PSG8: variants seen among roughly 807,000 people sequenced by gnomAD.
The protein encoded by PSG8 is pregnancy-specific beta-1-glycoprotein 8.
A neutral mutation model predicts 42.5 loss-of-function variants in PSG8; 57 were observed. The observed-to-expected ratio is 1.34, with a 90% confidence interval of 1.08 to 1.67. The LOEUF is 1.67. PSG8 is among the 40% of genes most tolerant of loss of function. The pLI is 0.00. For missense variants in PSG8, 783 were observed against 518.6 expected (o/e 1.51, Z -4.95); for synonymous variants, 280 against 196.8 (o/e 1.42, Z -3.54).
intron 1 of PSG8, 66 bp downstream of exon 1, chr19:42,765,452 C>G (rs1286933687): frequency 1.4e-5 from 22 of 1,598,016 alleles, no homozygotes; most frequent in African/African-American, 4.1e-5. Context: ...CCCATACTCT[C>G]AAGGAGACCC....
rs781055967 is a variant in PSG8, at chr19:42,760,854, G to C, written c.431-2574C>G. On this transcript the variant is annotated intron_variant, in intron 2 of 4. Coordinates refer to ENST00000306511, the MANE Select transcript of PSG8 (RefSeq NM_182707.3). ...GGCCTCCGAAAGTGCTGGTATTGTAGGTGTGAGCCACTGTGCCCAGCCATC... is the reference window on the plus strand; with the variant it reads ...GGCCTCCGAAAGTGCTGGTATTGTACGTGTGAGCCACTGTGCCCAGCCATC... 2.8e-4 allele frequency among the ~76,000 whole-genome samples: 42 copies of C among 152,152 alleles called. 1 individual carries two copies. Among genetic ancestry groups the C allele is most frequent in the Non-Finnish European group, 4.3e-4 (29 of 68,024 alleles).
rs369976956 is a variant in PSG8, at chr19:42,762,888, A to C, written c.430+1028T>G. 2.4e-4 allele frequency among the ~76,000 whole-genome samples: 36 copies of C among 152,116 alleles called. 1 individual carries two copies. The highest frequency in any genetic ancestry group is 8.5e-4 in the Admixed American group (13 of 15,280). The stretch of plus-strand genomic sequence containing the variant: ...GGTGCTTGGAAGCCAGTGAGCCCTC[A>C]CTTCTGGTGGAGGAGAGGATGAGCC... On this transcript the variant is annotated intron_variant, in intron 2 of 4. Coordinates refer to ENST00000306511, the MANE Select transcript of PSG8 (RefSeq NM_182707.3).
In PSG8 at chr19:42,764,145, C is replaced by T. The variant is rs768915559; in HGVS notation, c.201G>A (p.Trp67Ter). Residue 67 changes from tryptophan (W) to a stop codon, truncating the protein, a stop_gained, in exon 2 of 5, where the codon TGG becomes TGA. Transcript: ENST00000306511. LOFTEE classifies it high-confidence loss of function. The part of the protein sequence containing the change: ...NLPQNLTGYI[W>*]YKGQIRDLYH... ...AGAGGTCCCTGATTTGCCCTTTGTA[C>T]CAGATGTAGCCAGTAAGATTCTGGG... is the stretch of plus-strand genomic sequence containing the variant. 9.9e-6 allele frequency: 16 copies of T among 1,613,666 alleles called. No individual in the cohort carries two copies. The highest frequency in any genetic ancestry group is 1.3e-5 in the African/African-American group (1 of 74,838).
downstream of PSG8, chr19:42,752,915 A>T (rs1314356262): frequency 2.6e-5 from 8 of 302,800 alleles, no homozygotes; most frequent in East Asian, 4.0e-4. Flanking sequence ...CAAGGTGGAG[A>T]GAGCCACATT....
rs762332676 is a variant in PSG8, at chr19:42,764,272, A to C, written c.74T>G (p.Leu25Ter). Reference sequence around the variant, plus strand: ...AGTCGTGGGTGGGTTCCAGAAGTTTAAAAGTGATGCTAGGAGGTGGAGAGA... The same window carrying C: ...AGTCGTGGGTGGGTTCCAGAAGTTTCAAAGTGATGCTAGGAGGTGGAGAGA... ...WKGLLLTASLLNFWNPPTTAQ... is the reference protein window; with the variant it reads ...WKGLLLTASL The change falls in exon 2 of 5, where the codon TTA becomes TGA. Residue 25 changes from leucine (L) to a stop codon, truncating the protein, a stop_gained. Transcript: ENST00000306511. LOFTEE classifies it high-confidence loss of function. 5.6e-6 allele frequency: 9 copies of C among 1,612,848 alleles called. No homozygotes were observed. The highest frequency in any genetic ancestry group is 7.6e-6 in the Non-Finnish European group (9 of 1,179,340).
chr19:42,753,368 A>G (rs755445760), downstream of PSG8: 1 of 780,298 alleles, frequency 1.3e-6, no homozygotes, highest in Non-Finnish European at 2.4e-6. Context: ...ATTCAGGGTA[A>G]TGTCCAGTCT....
chr19:42,753,105 G>C, downstream of PSG8: 3 of 631,530 alleles, frequency 4.8e-6, no homozygotes, highest in South Asian at 3.6e-5. Context: ...GGGGAGTCTT[G>C]TTCTGACATC....
intron 3 of PSG8, among the ~76,000 whole-genome samples, chr19:42,757,295 A>G (rs1969950685): frequency 6.6e-6 from 1 of 152,086 alleles, no homozygotes; most frequent in South Asian, 2.1e-4. Flanking sequence ...ATAACTAGAT[A>G]GACTTCACTG....
At chr19:42,757,463 T>G (rs539899274) in intron 3 of PSG8, among the ~76,000 whole-genome samples, 6 of 152,166 alleles carry the variant, frequency 3.9e-5, no homozygotes, top group South Asian at 2.1e-4. Context: ...CTTGTGCTGA[T>G]TGCTGGAACT....
At chr19:42,764,475 A>C (rs375849835) in intron 1 of PSG8, among the ~76,000 whole-genome samples, 194 bp from the exon 2 acceptor site, 76 of 151,782 alleles carry the variant, frequency 5.0e-4, no homozygotes, top group African/African-American at 1.7e-3. Context: ...GTGTCCTACT[A>C]TCCTACTAGG....
Position 42,758,067 on chromosome 19 carries a change from T to G in PSG8, c.644A>C (p.Tyr215Ser), listed in dbSNP as rs1435477209. ...CACTGGGTTCCGTATTTCACATTCA[T>G]AGGGTCCTGCAGTGTACTTTGTGAC... is the stretch of plus-strand genomic sequence containing the variant. ...LGVTKYTAGP[Y>S]ECEIRNPVSA... The change falls in exon 3 of 5, where the codon TAT becomes TCT. Residue 215 changes from tyrosine to serine, a missense_variant. Transcript: ENST00000306511. The G allele has an allele frequency of 6.2e-7, 1 of 1,613,934 alleles. No individual in the cohort carries two copies. Among genetic ancestry groups the G allele is most frequent in the Non-Finnish European group, 8.5e-7 (1 of 1,179,970 alleles).
chr19:42,763,014 T>C (rs1260018052), intron 2 of PSG8, among the ~76,000 whole-genome samples: 1 of 152,152 alleles, frequency 6.6e-6, no homozygotes, highest in Non-Finnish European at 1.5e-5. Flanking sequence ...TTTCTGTCAA[T>C]CAGATAAGCT....
At chr19:42,763,585 G>A (rs1970131183) in intron 2 of PSG8, 1 of 416,870 alleles carries the variant, frequency 2.4e-6, no homozygotes, top group South Asian at 2.2e-5. Context: ...CTCAGGCCAA[G>A]CCCTACTCAG....
chr19:42,754,698 C>A (rs1243631981), intron 4 of PSG8, 111 bp from the exon 5 acceptor site: 10 of 1,364,838 alleles, frequency 7.3e-6, no homozygotes, highest in African/African-American at 1.5e-5. Context: ...CCTCAAGTCC[C>A]AGCCCAACCC....
At chr19:42,764,594 C>CA (rs1970169080) in intron 1 of PSG8, among the ~76,000 whole-genome samples, 1 of 152,078 alleles carries the variant, frequency 6.6e-6, no homozygotes, top group South Asian at 2.1e-4. Context: ...ACACTGCCCT[C>CA]AGGTCCTGCT....
At chr19:42,752,963 G>A, downstream of PSG8, 1 of 383,844 alleles carries the variant, frequency 2.6e-6, no homozygotes, top group Non-Finnish European at 4.7e-6. Flanking sequence ...GGGTTGAGAT[G>A]ACATATCTGA....
intron 2 of PSG8, among the ~76,000 whole-genome samples, chr19:42,760,334 A>T (rs544228109): frequency 2.0e-5 from 3 of 152,298 alleles, no homozygotes; most frequent in African/African-American, 4.8e-5. Flanking sequence ...CAAAACCACC[A>T]GTATTCCCAT....
In PSG8 at chr19:42,759,322, A is replaced by G. The variant is rs535903132; in HGVS notation, c.431-1042T>C. On this transcript the variant is annotated intron_variant, in intron 2 of 4. Transcript: ENST00000306511. ...AGAATAGGAGTTTCTACGAGCTGGG[A>G]TCAGGGCAATAGGGCGTTGTTCCAT... is the stretch of plus-strand genomic sequence containing the variant. 6.6e-5 allele frequency among the ~76,000 whole-genome samples: 10 copies of G among 152,244 alleles called. No individual in the cohort carries two copies. In the South Asian group the frequency reaches 2.1e-3, roughly 32 times the overall value.
At chr19:42,753,232 G>A (rs1969824989), downstream of PSG8, 3 of 776,380 alleles carry the variant, frequency 3.9e-6, no homozygotes, top group Middle Eastern at 2.6e-4. Flanking sequence ...CACCCTTCAG[G>A]TACAAGGGTT....
Sources: allele counts gnomAD v4.1 joint callset (sites outside exome capture counted in the v4.1 genomes callset), GRCh38; gene constraint gnomAD v4.1.1; transcripts MANE v1.5; gene names NCBI Gene and HGNC (gene_info 2026-07-23, HGNC 2026-07-21).